The following PARN variants were observed in gnomAD, a reference collection of about 807,000 sequenced individuals.
PARN encodes poly(A)-specific ribonuclease, also known as poly(A)-specific ribonuclease PARN.
A neutral mutation model predicts 102.8 loss-of-function variants in PARN; 71 were observed. The ratio of observed to expected loss-of-function variants is 0.69; its 90% CI spans 0.57 to 0.84. The LOEUF (loss-of-function observed/expected upper bound fraction) is 0.84. Among genes scored for constraint, PARN ranks in the 40% least tolerant of loss-of-function variants. PARN has a pLI of 0.00. For synonymous variants in PARN, 261 were observed against 252.9 expected (o/e 1.03, Z -0.30); for missense variants, 782 against 760.9 (o/e 1.03, Z -0.33).
chr16:14,572,025 T>C (rs991515217), intron 18 of PARN, among the ~76,000 whole-genome samples: 2 of 152,202 alleles, frequency 1.3e-5, no homozygotes, highest in Non-Finnish European at 2.9e-5. Flanking sequence ...AATAAAGCTA[T>C]GTTAAAACTC....
intron 22 of PARN, among the ~76,000 whole-genome samples, chr16:14,452,979 T>C (rs1961528985): frequency 6.6e-6 from 1 of 152,252 alleles, no homozygotes; most frequent in African/African-American, 2.4e-5. Context: ...TGTATGTGCA[T>C]GCGTGTGTGT....
chr16:14,627,965 G>A (rs1030944708), intron 3 of PARN, among the ~76,000 whole-genome samples: 12 of 152,072 alleles, frequency 7.9e-5, no homozygotes, highest in African/African-American at 2.9e-4. Flanking sequence ...CAGTGATCAC[G>A]CCACTGCACC....
chr16:14,464,331 T>C (rs1328142476), intron 22 of PARN, among the ~76,000 whole-genome samples: 2 of 151,568 alleles, frequency 1.3e-5, no homozygotes, highest in African/African-American at 2.4e-5. Flanking sequence ...AGAGAAAAAA[T>C]ATGGGGATGA....
chr16:14,454,848 C>G (rs1201630776), intron 22 of PARN, among the ~76,000 whole-genome samples: 2 of 152,164 alleles, frequency 1.3e-5, no homozygotes, highest in Non-Finnish European at 2.9e-5. Context: ...AATAGCAAAT[C>G]ACTTTTATGT....
intron 22 of PARN, among the ~76,000 whole-genome samples, chr16:14,453,270 T>G (rs2151564244): frequency 6.6e-6 from 1 of 152,354 alleles, no homozygotes; most frequent in African/African-American, 2.4e-5. Flanking sequence ...AAAAGCTAAG[T>G]CGCTGTCAAC....
At chr16:14,515,483 T>C (rs1036281644) in intron 21 of PARN, among the ~76,000 whole-genome samples, 7 of 152,082 alleles carry the variant, frequency 4.6e-5, no homozygotes, top group African/African-American at 1.7e-4. Context: ...CCACTAGAGG[T>C]AAGTGAAGAG....
intron 21 of PARN, among the ~76,000 whole-genome samples, chr16:14,491,654 C>T (rs1964063244): frequency 6.6e-6 from 1 of 152,020 alleles, no homozygotes; most frequent in South Asian, 2.1e-4. Context: ...CACCTATAGT[C>T]CCAGCTACTC....
Position 14,630,155 on chromosome 16 carries a change from C to A in PARN, c.-30G>T. 2 of 1,548,808 alleles carry A rather than the reference C, an allele frequency of 1.3e-6. No homozygotes were observed. The highest frequency in any genetic ancestry group is 1.7e-6 in the Non-Finnish European group (2 of 1,144,342). On this transcript the variant is annotated 5_prime_UTR_variant, in exon 1 of 24. Transcript: ENST00000437198. Reference sequence around the variant, plus strand: ...CAGAGTGGCCGGAACCTTGGCCCCACCCGGGCCCGCGCCCGCCTCAGCGGT... The same window carrying A: ...CAGAGTGGCCGGAACCTTGGCCCCAACCGGGCCCGCGCCCGCCTCAGCGGT...
chr16:14,577,961 T>G (rs1163074882), intron 18 of PARN, among the ~76,000 whole-genome samples: 2 of 151,788 alleles, frequency 1.3e-5, no homozygotes, highest in Non-Finnish European at 2.9e-5. Flanking sequence ...GGCCAACGCA[T>G]CTGGCCATAA....
intron 21 of PARN, among the ~76,000 whole-genome samples, chr16:14,529,772 T>C (rs535665334): frequency 6.6e-6 from 1 of 152,136 alleles, no homozygotes; most frequent in South Asian, 2.1e-4. Context: ...ATGGAGCCCA[T>C]GAGGACTCGG....
chr16:14,556,578 C>A (rs1967706317), intron 18 of PARN, among the ~76,000 whole-genome samples: 1 of 152,206 alleles, frequency 6.6e-6, no homozygotes, highest in Admixed American at 6.5e-5. Context: ...CAGTTCCTGG[C>A]ACTCAGTAGC....
intron 21 of PARN, among the ~76,000 whole-genome samples, chr16:14,517,487 G>A (rs1225498233): frequency 1.3e-5 from 2 of 152,146 alleles, no homozygotes; most frequent in Non-Finnish European, 2.9e-5. Flanking sequence ...GGCAACCTAT[G>A]GAATTATGGG....
At chr16:14,475,713 A>T (rs907416061) in intron 22 of PARN, among the ~76,000 whole-genome samples, 2 of 152,216 alleles carry the variant, frequency 1.3e-5, no homozygotes, top group Non-Finnish European at 2.9e-5. Context: ...AATAGAAGTG[A>T]GTCACAGAGC....
chr16:14,488,658 T>C (rs543474144), intron 21 of PARN, among the ~76,000 whole-genome samples: 1 of 152,274 alleles, frequency 6.6e-6, no homozygotes, highest in South Asian at 2.1e-4. Context: ...ATCATGACTA[T>C]GATGAGACAT....
chr16:14,458,834 G>GCC (rs1434382695), intron 22 of PARN, among the ~76,000 whole-genome samples: 1 of 152,192 alleles, frequency 6.6e-6, no homozygotes, highest in African/African-American at 2.4e-5. Flanking sequence ...ATACTCTGGA[G>GCC]AAAGCGATCT....
chr16:14,606,049 A>T (rs1971158228), intron 10 of PARN, among the ~76,000 whole-genome samples: 1 of 152,148 alleles, frequency 6.6e-6, no homozygotes, highest in Non-Finnish European at 1.5e-5. Flanking sequence ...AGATCAAATG[A>T]CTTACCCTAG....
intron 21 of PARN, among the ~76,000 whole-genome samples, chr16:14,526,237 T>G (rs1965994145): frequency 6.6e-6 from 1 of 150,828 alleles, no homozygotes; most frequent in Non-Finnish European, 1.5e-5. Flanking sequence ...AGGGCAGTGG[T>G]GCGATCTCGG....
chr16:14,568,179 A>C (rs891464295), intron 18 of PARN, among the ~76,000 whole-genome samples: 2 of 149,816 alleles, frequency 1.3e-5, no homozygotes, highest in Non-Finnish European at 3.0e-5. Flanking sequence ...GCGCGACCTC[A>C]TCTCTATGAA....
intron 18 of PARN, among the ~76,000 whole-genome samples, chr16:14,556,035 A>G (rs1967663630): frequency 6.6e-6 from 1 of 151,862 alleles, no homozygotes; most frequent in South Asian, 2.1e-4. Flanking sequence ...GGGTTTCACC[A>G]TGTTGGCCAG....
Sources: allele counts gnomAD v4.1 joint callset (sites outside exome capture counted in the v4.1 genomes callset), GRCh38; gene constraint gnomAD v4.1.1; transcripts MANE v1.5; gene names NCBI Gene and HGNC (gene_info 2026-07-23, HGNC 2026-07-21).